Variants in C4orf46 observed in about 807,000 individuals in gnomAD.
The protein encoded by C4orf46 is renal cancer differentiation gene 1 protein.
A neutral mutation model predicts 9.1 loss-of-function variants in C4orf46; 8 were observed. The observed-to-expected ratio is 0.88, with a 90% CI of 0.52 to 1.59. The LOEUF is 1.59. Among genes scored for constraint, C4orf46 ranks in the 40% most tolerant of loss-of-function variants. The probability of loss-of-function intolerance (pLI) is 0.00; values close to 1 mark genes in which losing one functional copy is unlikely to be tolerated. For missense variants in C4orf46, 151 were observed against 139.1 expected, an observed-to-expected ratio of 1.09 and a Z score of -0.43; for synonymous variants, 51 against 58.8, an observed-to-expected ratio of 0.87 and a Z score of 0.61.
chr4:158,671,499 G>T (rs1773544315), intron 1 of C4orf46, 117 bp downstream of exon 1: 4 of 1,095,286 alleles, frequency 3.7e-6, no homozygotes, highest in Admixed American at 3.4e-5. Context: ...GGCGCAGAAG[G>T]GCCGGTCGTC....
rs917516273 is a variant in C4orf46 at position 158,667,503 on chromosome 4, A to C, written c.*2110T>G. Reference sequence around the variant, plus strand: ...ATTGGAACATACATAACAGATCATTAGTATTCAAAATATGTAATATCTAAA... The same window carrying C: ...ATTGGAACATACATAACAGATCATTCGTATTCAAAATATGTAATATCTAAA... On this transcript the variant is annotated 3_prime_UTR_variant, in exon 2 of 2. Coordinates refer to ENST00000379205, the MANE Select transcript of C4orf46 (RefSeq NM_001008393.4). 4 of 152,200 alleles carry C rather than the reference A, an allele frequency of 2.6e-5. No homozygotes were observed. Among genetic ancestry groups the C allele is most frequent in the African/African-American group, 9.7e-5 (4 of 41,446 alleles). The allele number at this position is 152,200 out of a possible 1,614,324, so 9.4% of individuals were successfully genotyped here. A position where few individuals can be genotyped will look rare whatever the true frequency, so the allele number is the denominator to read the frequency against.
At chr4:158,671,481 C>A (rs548826949) in intron 1 of C4orf46, 135 bp downstream of exon 1, 1 of 895,988 alleles carries the variant, frequency 1.1e-6, no homozygotes, top group Admixed American at 3.7e-5. Context: ...CCCGCCCGCA[C>A]GCTCTGGGGC....
chr4:158,671,533 C>CGA lies in C4orf46; in HGVS notation c.186+81_186+82dup, dbSNP rs1344058157. 3 of 1,347,764 alleles carry CGA rather than the reference C, an allele frequency of 2.2e-6. No individual in the cohort carries two copies. In the African/African-American group the frequency reaches 4.5e-5, roughly 20 times the overall value. The allele number at this position is 1,347,764 out of a possible 1,614,324, so 83.5% of individuals were successfully genotyped here. A position where few individuals can be genotyped will look rare whatever the true frequency, so the allele number is the denominator to read the frequency against. Reference sequence around the variant, plus strand: ...TCCCGGGTCATGGGGGTTGGGGGACCGATTCCCTAGCCTCGCGAGCCCCGC... The same window carrying CGA: ...TCCCGGGTCATGGGGGTTGGGGGACCGAGATTCCCTAGCCTCGCGAGCCCCGC... On this transcript the variant is annotated intron_variant, in intron 1 of 1. Transcript: ENST00000379205.
In C4orf46 at chr4:158,671,776, A is replaced by G. The variant is rs1213853219; in HGVS notation, c.26T>C (p.Val9Ala). MADPEELQVSSPPPPPPSS... is the reference protein window; with the variant it reads MADPEELQASSPPPPPPSS... ...GGGAGGCGGCGGGGGCGGCGAAGAA[A>G]CCTGCAACTCCTCAGGGTCGGCCAT... Residue 9 changes from valine to alanine, a missense_variant, in exon 1 of 2, where the codon GTT becomes GCT. Val to Ala is a moderately conservative substitution (Grantham distance 64, BLOSUM62 0). Transcript: ENST00000379205. The G allele has an allele frequency of 6.4e-7, 1 of 1,551,438 alleles. No homozygotes were observed. Among genetic ancestry groups the G allele is most frequent in the Non-Finnish European group, 8.7e-7 (1 of 1,147,712 alleles).
Position 158,671,784 on chromosome 4 carries a change from C to G in C4orf46, c.18G>C (p.Glu6Asp). The G allele has an allele frequency of 6.5e-7, 1 of 1,548,048 alleles. No homozygotes were observed. The highest frequency in any genetic ancestry group is 8.7e-7 in the Non-Finnish European group (1 of 1,145,708). ...GCGGGGGCGGCGAAGAAACCTGCAA[C>G]TCCTCAGGGTCGGCCATGGGGAAGG... The part of the protein sequence containing the change: MADPE[E>D]LQVSSPPPPP... Residue 6 changes from glutamate to aspartate, a missense_variant, in exon 1 of 2, where the codon GAG becomes GAC. Glu to Asp is a conservative substitution (Grantham distance 45). Transcript: ENST00000379205.
Position 158,671,790 on chromosome 4 carries a change from A to C in C4orf46, c.12T>G (p.Pro4=), listed in dbSNP as rs1374936599. The C allele has an allele frequency of 1.9e-6, 3 of 1,541,996 alleles. No homozygotes were observed. Among genetic ancestry groups the C allele is most frequent in the Non-Finnish European group, 2.6e-6 (3 of 1,142,468 alleles). The part of the protein sequence containing the change: MAD[P]EELQVSSPPP... ...GCGGCGAAGAAACCTGCAACTCCTC[A>C]GGGTCGGCCATGGGGAAGGGTTGGG... The change falls in exon 1 of 2, where the codon CCT becomes CCG. Residue 4 remains proline (P), a synonymous_variant. Transcript: ENST00000379205.
chr4:158,671,705 C>G lies in C4orf46; in HGVS notation c.97G>C (p.Gly33Arg), dbSNP rs1300857693. Residue 33 changes from glycine to arginine, a missense_variant, in exon 1 of 2, where the codon GGC (glycine) becomes CGC (arginine). By Grantham distance (125) the Gly-to-Arg change is moderately radical. Transcript: ENST00000379205. ...ACTGGCCAGCCCAAACTCACTGGGC[C>G]GCCCGGGGAAGATGCTGCAGAGGCG... Reference protein sequence around the residue: ...SDASAASSPGGPVSLGWPVPS... With the variant: ...SDASAASSPGRPVSLGWPVPS... 1.2e-6 allele frequency: 2 copies of G among 1,610,242 alleles called. No individual in the cohort carries two copies. Among genetic ancestry groups the G allele is most frequent in the Non-Finnish European group, 1.7e-6 (2 of 1,178,428 alleles).
Position 158,669,386 on chromosome 4 carries a change from A to G in C4orf46, c.*227T>C. 1 of 393,484 alleles carries G rather than the reference A, an allele frequency of 2.5e-6. No individual in the cohort carries two copies. 24.4% of individuals were successfully genotyped at this position (393,484 alleles called of 1,614,324 possible). On this transcript the variant is annotated 3_prime_UTR_variant, in exon 2 of 2. Coordinates refer to ENST00000379205, the MANE Select transcript of C4orf46 (RefSeq NM_001008393.4). ...GTTAACTTTCATAAAGGATTCTATG[A>G]AAGTTCAGAGGCATAAAGTATTTAA...
rs977094229 is a variant in C4orf46 at position 158,668,489 on chromosome 4, G to C, written c.*1124C>G. On this transcript the variant is annotated 3_prime_UTR_variant, in exon 2 of 2. Coordinates refer to ENST00000379205, the MANE Select transcript of C4orf46 (RefSeq NM_001008393.4). ...TATCTCCATATCTACAAAGAATTAA[G>C]ATGTTGTATCAAAAATGTCCAGAAG... The C allele has an allele frequency of 5.2e-5, 8 of 152,514 alleles. No individual in the cohort carries two copies. Among genetic ancestry groups the C allele is most frequent in the Admixed American group, 5.2e-4 (8 of 15,274 alleles). The allele number at this position is 152,514 out of a possible 1,614,324, so 9.4% of individuals were successfully genotyped here. A position where few individuals can be genotyped will look rare whatever the true frequency, so the allele number is the denominator to read the frequency against.
Position 158,671,602 on chromosome 4 carries a change from G to T in C4orf46, c.186+14C>A. On this transcript the variant is annotated intron_variant, in intron 1 of 1. Coordinates refer to ENST00000379205, the MANE Select transcript of C4orf46 (RefSeq NM_001008393.4). ...AGGCGCCGAGGGGGGACGCGGTCCC[G>T]ACACCACACTCACGTCTCCGATCTG... is the stretch of plus-strand genomic sequence containing the variant. 6.6e-7 allele frequency: 1 copy of T among 1,505,690 alleles called. No homozygotes were observed. Among genetic ancestry groups the T allele is most frequent in the Non-Finnish European group, 8.9e-7 (1 of 1,120,470 alleles). 93.3% of individuals were successfully genotyped at this position (1,505,690 alleles called of 1,614,324 possible).
At chr4:158,670,047 C>T (rs1580383245) in intron 1 of C4orf46, among the ~76,000 whole-genome samples, 2 of 1,876 alleles carry the variant, frequency 1.1e-3, no homozygotes, top group African/African-American at 1.5e-3. Flanking sequence ...TTTTTTGAGA[C>T]GGAGTTTCGC....
chr4:158,667,952 C>A lies in C4orf46; in HGVS notation c.*1661G>T, dbSNP rs76570723. The A allele has an allele frequency of 6.6e-6, 1 of 152,226 alleles. No homozygotes were observed. The highest frequency in any genetic ancestry group is 6.5e-5 in the Admixed American group (1 of 15,302). 9.4% of individuals were successfully genotyped at this position (152,226 alleles called of 1,614,324 possible). On this transcript the variant is annotated 3_prime_UTR_variant, in exon 2 of 2. Coordinates refer to ENST00000379205, the MANE Select transcript of C4orf46 (RefSeq NM_001008393.4). ...ATAAAAACACATGCTATATTATGCCCCCTCTAGTGGTTACCTCTGGGGACT... is the reference window on the plus strand; with the variant it reads ...ATAAAAACACATGCTATATTATGCCACCTCTAGTGGTTACCTCTGGGGACT...
In C4orf46 at chr4:158,667,327, C is replaced by T. The variant is rs1773405325; in HGVS notation, c.*2286G>A. 1 of 152,108 alleles carries T rather than the reference C, an allele frequency of 6.6e-6. No homozygotes were observed. Among genetic ancestry groups the T allele is most frequent in the South Asian group, 2.1e-4 (1 of 4,826 alleles). The allele number at this position is 152,108 out of a possible 1,614,324, so 9.4% of individuals were successfully genotyped here. On this transcript the variant is annotated 3_prime_UTR_variant, in exon 2 of 2. Coordinates refer to ENST00000379205, the MANE Select transcript of C4orf46 (RefSeq NM_001008393.4). ...AATGTTAAAAACAAAAATTTTGTAA[C>T]TTTTGGAAGGCTGAATAGGACTATT...
Position 158,671,609 on chromosome 4 carries a change from C to T in C4orf46, c.186+7G>A, listed in dbSNP as rs1455641140. On this transcript the variant is annotated splice_region_variant and intron_variant, in intron 1 of 1. Coordinates refer to ENST00000379205, the MANE Select transcript of C4orf46 (RefSeq NM_001008393.4). The stretch of plus-strand genomic sequence containing the variant: ...GAGGGGGGACGCGGTCCCGACACCA[C>T]ACTCACGTCTCCGATCTGCAGCTCC... 6 of 1,539,750 alleles carry T rather than the reference C, an allele frequency of 3.9e-6. No individual in the cohort carries two copies. In the African/African-American group the frequency reaches 4.2e-5, roughly 11 times the overall value.
rs1038393624 is a variant in C4orf46 at position 158,671,669 on chromosome 4, T to G, written c.133A>C (p.Ser45Arg). The G allele has an allele frequency of 6.2e-7, 1 of 1,608,400 alleles. No individual in the cohort carries two copies. The highest frequency in any genetic ancestry group is 1.3e-5 in the African/African-American group (1 of 74,706). ...AGCTGGTCCACCGTTGGGCCGCTGC[T>G]CCTGCTCGGAACTGGCCAGCCCAAA... ...VSLGWPVPSR[S>R]SGPTVDQLEE... The change falls in exon 1 of 2, where the codon AGC (serine) becomes CGC (arginine). Residue 45 changes from serine (S) to arginine (R), a missense_variant. Transcript: ENST00000379205.
chr4:158,670,819 C>CAGA (rs147333959), intron 1 of C4orf46, among the ~76,000 whole-genome samples: 2,024 of 152,232 alleles, frequency 0.013, 35 homozygotes, highest in African/African-American at 0.044. Flanking sequence ...AGAACTCTCC[C>CAGA]AGGTTACACT....
Position 158,671,767 on chromosome 4 carries a change from G to T in C4orf46, c.35C>A (p.Pro12Gln). Residue 12 changes from proline (P) to glutamine (Q), a missense_variant, in exon 1 of 2, where the codon CCG becomes CAG. Transcript: ENST00000379205. Reference sequence around the variant, plus strand: ...GGGAGAAGAGGGAGGCGGCGGGGGCGGCGAAGAAACCTGCAACTCCTCAGG... The same window carrying T: ...GGGAGAAGAGGGAGGCGGCGGGGGCTGCGAAGAAACCTGCAACTCCTCAGG... The part of the protein sequence containing the change: ...ADPEELQVSS[P>Q]PPPPPSSPSS... 6.4e-7 allele frequency: 1 copy of T among 1,557,516 alleles called. No individual in the cohort carries two copies. The highest frequency in any genetic ancestry group is 8.7e-7 in the Non-Finnish European group (1 of 1,150,986).
rs1773391774 is a variant in C4orf46, at chr4:158,666,933, G to A, written c.*2680C>T. 1 of 152,170 alleles carries A rather than the reference G, an allele frequency of 6.6e-6. No individual in the cohort carries two copies. 9.4% of individuals were successfully genotyped at this position (152,170 alleles called of 1,614,324 possible). A position where few individuals can be genotyped will look rare whatever the true frequency, so the allele number is the denominator to read the frequency against. On this transcript the variant is annotated 3_prime_UTR_variant, in exon 2 of 2. Coordinates refer to ENST00000379205, the MANE Select transcript of C4orf46 (RefSeq NM_001008393.4). ...TGTAGATTCCTCTGGTGCTGTCTCAGCTGATTAGAGCCATCTTCTCATCTT... is the reference window on the plus strand; with the variant it reads ...TGTAGATTCCTCTGGTGCTGTCTCAACTGATTAGAGCCATCTTCTCATCTT...
In C4orf46 at chr4:158,671,887, G is replaced by C. The variant is rs968368441; in HGVS notation, c.-86C>G. On this transcript the variant is annotated 5_prime_UTR_variant, in exon 1 of 2. Transcript: ENST00000379205. ...TAACCACTCGCGCCCAAAGCCGAAAGGCCCCGCCTCCTAACGCCAGAAATC... is the reference window on the plus strand; with the variant it reads ...TAACCACTCGCGCCCAAAGCCGAAACGCCCCGCCTCCTAACGCCAGAAATC... 7.9e-6 allele frequency: 9 copies of C among 1,143,678 alleles called. No individual in the cohort carries two copies. Among genetic ancestry groups the C allele is most frequent in the Non-Finnish European group, 1.1e-5 (9 of 835,444 alleles). The allele number at this position is 1,143,678 out of a possible 1,614,324, so 70.8% of individuals were successfully genotyped here. A position where few individuals can be genotyped will look rare whatever the true frequency, so the allele number is the denominator to read the frequency against.
Sources: gnomAD v4.1 joint callset for allele counts (sites outside exome capture counted in the v4.1 genomes callset) on GRCh38, gnomAD v4.1.1 for gene constraint, MANE v1.5 for transcripts, NCBI Gene and HGNC (gene_info 2026-07-23, HGNC 2026-07-21) for gene names.